Variants in NRXN1 observed in about 807,000 individuals in gnomAD.
The protein encoded by NRXN1 is neurexin-1.
Under a neutral mutation model 150.9 loss-of-function variants are expected in NRXN1, and 39 were observed. The observed-to-expected ratio is 0.26, with a 90% confidence interval of 0.20 to 0.34. The LOEUF (loss-of-function observed/expected upper bound fraction) is 0.34. Among genes scored for constraint, NRXN1 ranks in the 10% least tolerant of loss-of-function variants. The pLI is 1.00. For missense variants in NRXN1, 1,815 were observed against 1,949.9 expected (o/e 0.93, Z 1.30); for synonymous variants, 924 against 757.0 (o/e 1.22, Z -3.62).
chr2:50,952,785 C>A (rs1199791776), intron 2 of NRXN1, among the ~76,000 whole-genome samples: 1 of 152,144 alleles, frequency 6.6e-6, no homozygotes, highest in Admixed American at 6.5e-5. Flanking sequence ...CTGAATCATA[C>A]TCCCCCTTTC....
chr2:49,994,187 A>C (rs1045141732), intron 21 of NRXN1, among the ~76,000 whole-genome samples: 1 of 152,128 alleles, frequency 6.6e-6, no homozygotes, highest in Non-Finnish European at 1.5e-5. Context: ...TTGGAACCCA[A>C]ACTTGCTCTT....
intron 5 of NRXN1, among the ~76,000 whole-genome samples, chr2:50,643,184 G>GT (rs1684310310): frequency 6.6e-6 from 1 of 151,806 alleles, no homozygotes; most frequent in South Asian, 2.1e-4. Flanking sequence ...CTTTTCTTGT[G>GT]TTTAAGAGCC....
chr2:50,821,953 A>G (rs902316380), intron 5 of NRXN1, among the ~76,000 whole-genome samples: 2 of 152,138 alleles, frequency 1.3e-5, no homozygotes, highest in African/African-American at 4.8e-5. Context: ...GAGGGAAAAT[A>G]CAGAATGAAA....
chr2:51,017,502 G>GGT (rs1280436877), intron 2 of NRXN1, among the ~76,000 whole-genome samples: 5 of 72,888 alleles, frequency 6.9e-5, no homozygotes, highest in South Asian at 5.4e-4. Flanking sequence ...ACCACATCTG[G>GGT]CTTTTTTTTT....
At chr2:50,469,029 T>A (rs1268344924) in intron 16 of NRXN1, among the ~76,000 whole-genome samples, 1 of 151,614 alleles carries the variant, frequency 6.6e-6, no homozygotes, top group Non-Finnish European at 1.5e-5. Flanking sequence ...ATTGGTTGAA[T>A]TCCAGTGCCC....
intron 5 of NRXN1, among the ~76,000 whole-genome samples, chr2:50,774,665 G>C (rs763743845): frequency 1.0e-3 from 155 of 152,022 alleles, no homozygotes; most frequent in Non-Finnish European, 1.3e-3. Context: ...CATAATATTA[G>C]CTTTTATAGG....
At chr2:50,259,947 G>A (rs1008159169) in intron 17 of NRXN1, among the ~76,000 whole-genome samples, 2 of 151,712 alleles carry the variant, frequency 1.3e-5, no homozygotes, top group Non-Finnish European at 2.9e-5. Flanking sequence ...CGCGGGCTTA[G>A]GTTCAAACCC....
chr2:50,594,343 T>C (rs1401557086), intron 8 of NRXN1, among the ~76,000 whole-genome samples: 1 of 152,188 alleles, frequency 6.6e-6, no homozygotes, highest in South Asian at 2.1e-4. Context: ...TATGGTCATA[T>C]TTATGTAAAC....
rs575325309 is a variant in NRXN1, at chr2:49,995,538, T to A, written c.4129-51747A>T. 1.5e-3 allele frequency among the ~76,000 whole-genome samples: 221 copies of A among 151,808 alleles called. 1 individual carries two copies. Among genetic ancestry groups the A allele is most frequent in the Non-Finnish European group, 2.5e-3 (169 of 67,916 alleles). The stretch of plus-strand genomic sequence containing the variant: ...GGCTCACGCCTCTAATCCCAGCACT[T>A]TGGGAGGCCGAGGCGGGCGGATCAC... On this transcript the variant is annotated intron_variant, in intron 21 of 22. Coordinates refer to ENST00000401669, the MANE Select transcript of NRXN1 (RefSeq NM_001330078.2).
intron 5 of NRXN1, among the ~76,000 whole-genome samples, chr2:50,771,600 G>C (rs1335102813): frequency 6.6e-6 from 1 of 152,054 alleles, no homozygotes; most frequent in Non-Finnish European, 1.5e-5. Context: ...AATTTGAATA[G>C]TACATTAGAA....
At chr2:50,539,743 G>A (rs1388024120) in intron 9 of NRXN1, among the ~76,000 whole-genome samples, 1 of 152,182 alleles carries the variant, frequency 6.6e-6, no homozygotes, top group Non-Finnish European at 1.5e-5. Flanking sequence ...TGATGAGAGA[G>A]AGAGGATGAG....
intron 5 of NRXN1, among the ~76,000 whole-genome samples, chr2:50,845,242 A>C (rs1248875380): frequency 6.6e-6 from 1 of 152,178 alleles, no homozygotes; most frequent in East Asian, 1.9e-4. Context: ...CATCAACATA[A>C]TACCAAGAAG....
chr2:50,285,192 TTTCAAACTGCA>T (rs1281929613), intron 17 of NRXN1, among the ~76,000 whole-genome samples: 1 of 152,226 alleles, frequency 6.6e-6, no homozygotes, highest in African/African-American at 2.4e-5. Context: ...CACTGAGTGC[TTTCAAACTGCA>T]TTCCTTATTG....
intron 5 of NRXN1, among the ~76,000 whole-genome samples, chr2:50,916,615 C>T (rs564199568): frequency 2.6e-4 from 40 of 151,632 alleles, no homozygotes; most frequent in Admixed American, 5.3e-4. Context: ...TTCAGTAAAA[C>T]GCATCTAAGT....
At chr2:50,878,755 A>T (rs896851650) in intron 5 of NRXN1, among the ~76,000 whole-genome samples, 1 of 151,950 alleles carries the variant, frequency 6.6e-6, no homozygotes, top group Non-Finnish European at 1.5e-5. Context: ...TATTTGGGGA[A>T]AAAGCTTATA....
In NRXN1 at chr2:50,027,951, A is replaced by G. The variant is rs191847426; in HGVS notation, c.4128+25320T>C. ...TTGTGTTAGTTTTCTCTGGGCTAACATTCTGTCTTCAAGATCTTTGTGTTT... is the reference window on the plus strand; with the variant it reads ...TTGTGTTAGTTTTCTCTGGGCTAACGTTCTGTCTTCAAGATCTTTGTGTTT... On this transcript the variant is annotated intron_variant, in intron 21 of 22. Transcript: ENST00000401669. Among the ~76,000 whole-genome samples the G allele has an allele frequency of 2.1e-3, 322 of 152,184 alleles. 2 individuals are homozygous for G. The highest frequency in any genetic ancestry group is 3.0e-3 in the Non-Finnish European group (206 of 68,016).
At chr2:50,858,392 C>T (rs1281383913) in intron 5 of NRXN1, among the ~76,000 whole-genome samples, 1 of 151,988 alleles carries the variant, frequency 6.6e-6, no homozygotes, top group African/African-American at 2.4e-5. Flanking sequence ...TGGCTGCTAT[C>T]TGAATCAGGC....
chr2:50,354,222 T>C (rs1290241749), intron 17 of NRXN1, among the ~76,000 whole-genome samples: 1 of 152,132 alleles, frequency 6.6e-6, no homozygotes, highest in Admixed American at 6.6e-5. Flanking sequence ...ACCATGTAAC[T>C]ATAAATTCTC....
At chr2:49,929,062 A>C (rs545432282) in intron 22 of NRXN1, among the ~76,000 whole-genome samples, 1 of 152,146 alleles carries the variant, frequency 6.6e-6, no homozygotes, top group Non-Finnish European at 1.5e-5. Context: ...CAAAGCATGC[A>C]TTTGAAGGGC....
Sources: allele counts gnomAD v4.1 joint callset (sites outside exome capture counted in the v4.1 genomes callset), GRCh38; gene constraint gnomAD v4.1.1; transcripts MANE v1.5; gene names NCBI Gene and HGNC (gene_info 2026-07-23, HGNC 2026-07-21).